USP22: variants seen among roughly 807,000 people sequenced by gnomAD.
USP22 encodes ubiquitin specific peptidase 22, also known as ubiquitin carboxyl-terminal hydrolase 22.
Under a neutral mutation model 68.1 loss-of-function variants are expected in USP22, and 22 were observed. That is an observed-to-expected ratio of 0.32 (90% confidence interval 0.23 to 0.46). USP22 has a LOEUF of 0.46. Among genes scored for constraint, USP22 ranks in the 20% least tolerant of loss-of-function variants. The pLI, the probability that USP22 is intolerant of heterozygous loss-of-function variation, is 1.00. For synonymous variants in USP22, 279 were observed against 274.2 expected, an observed-to-expected ratio of 1.02 and a Z score of -0.17; for missense variants, 433 against 695.8, an observed-to-expected ratio of 0.62 and a Z score of 4.25.
intron 1 of USP22, among the ~76,000 whole-genome samples, chr17:21,032,962 T>C (rs1286636394): frequency 7.9e-6 from 1 of 127,374 alleles, no homozygotes; most frequent in Admixed American, 7.7e-5. Flanking sequence ...AAGTTGAAAA[T>C]GCATTCCCCA....
At chr17:21,041,130 C>G (rs976941839) in intron 1 of USP22, among the ~76,000 whole-genome samples, 4 of 151,772 alleles carry the variant, frequency 2.6e-5, no homozygotes, top group African/African-American at 4.8e-5. Flanking sequence ...TGATCTGCCC[C>G]CCTCGGCCTC....
chr17:21,012,807 C>A, intron 7 of USP22, 23 bp downstream of exon 7: 1 of 1,607,732 alleles, frequency 6.2e-7, no homozygotes, highest in Non-Finnish European at 8.5e-7. Context: ...TTGATATTGC[C>A]GAGCACGCAG....
At chr17:21,039,539 G>A (rs902037097) in intron 1 of USP22, among the ~76,000 whole-genome samples, 8 of 152,098 alleles carry the variant, frequency 5.3e-5, no homozygotes, top group East Asian at 2.0e-4. Flanking sequence ...CCTCCAGCCT[G>A]GGCAAAAAGA....
intron 7 of USP22, chr17:21,011,599 G>A (rs1913972368): frequency 1.8e-5 from 7 of 378,774 alleles, no homozygotes; most frequent in South Asian, 1.7e-4. Context: ...CTTGGGAGGA[G>A]GATAAACTCA....
chr17:21,029,906 AC>A (rs1025159244), intron 1 of USP22, among the ~76,000 whole-genome samples: 14 of 152,350 alleles, frequency 9.2e-5, no homozygotes, highest in Admixed American at 6.5e-4. Context: ...ACAAATAAAA[AC>A]ATTTTCAAAT....
chr17:21,020,584 T>A lies in USP22; in HGVS notation c.418+529A>T, dbSNP rs1183011541. On this transcript the variant is annotated intron_variant, in intron 3 of 12. Coordinates refer to ENST00000261497, the MANE Select transcript of USP22 (RefSeq NM_015276.2). ...TTAACATCACCCAAACAGTCCAGAG[T>A]TTTAAAAGAGATTCTACCACAACTT... is the stretch of plus-strand genomic sequence containing the variant. Among the ~76,000 whole-genome samples, 7 of 151,864 alleles carry A rather than the reference T, an allele frequency of 4.6e-5. 1 individual carries two copies. Among genetic ancestry groups the A allele is most frequent in the Admixed American group, 4.6e-4 (7 of 15,248 alleles).
intron 2 of USP22, among the ~76,000 whole-genome samples, chr17:21,021,485 C>T (rs1255651097): frequency 1.3e-5 from 2 of 152,128 alleles, no homozygotes; most frequent in East Asian, 3.9e-4. Context: ...TCAAAGCAGC[C>T]AATACTCCAG....
intron 2 of USP22, among the ~76,000 whole-genome samples, chr17:21,027,480 T>G (rs1424586795): frequency 6.6e-6 from 1 of 151,962 alleles, no homozygotes; most frequent in Non-Finnish European, 1.5e-5. Context: ...GAGCATCAAA[T>G]TACAGAACTT....
chr17:21,026,647 A>G (rs1056192221), intron 2 of USP22, among the ~76,000 whole-genome samples: 1 of 145,862 alleles, frequency 6.9e-6, no homozygotes, highest in African/African-American at 2.4e-5. Context: ...TTTAAAAAAA[A>G]AAATTAGTAG....
At chr17:21,025,434 A>T (rs1972207557) in intron 2 of USP22, among the ~76,000 whole-genome samples, 1 of 151,790 alleles carries the variant, frequency 6.6e-6, no homozygotes, top group Admixed American at 6.6e-5. Context: ...GTGCAGCCAC[A>T]AAAAAAAGAT....
chr17:21,006,724 CA>C (rs994328639), intron 10 of USP22, 171 bp downstream of exon 10: 30 of 411,190 alleles, frequency 7.3e-5, no homozygotes, highest in Admixed American at 3.1e-4. Context: ...ATGATGGTCT[CA>C]ATCTGTTGAC....
At position 21,022,729 on chromosome 17, in the gene USP22, G is replaced by A. The variant is rs920986514; in HGVS notation, c.305-1503C>T. Among the ~76,000 whole-genome samples the A allele has an allele frequency of 6.6e-5, 10 of 151,910 alleles. 1 individual carries two copies. The highest frequency in any genetic ancestry group is 6.5e-4 in the Admixed American group (10 of 15,270). ...CAGGAGAATGGCGTGAACCTGGGAG[G>A]CGGAGCTTGCTATGAGCTGAGATCT... is the stretch of plus-strand genomic sequence containing the variant. On this transcript the variant is annotated intron_variant, in intron 2 of 12. Coordinates refer to ENST00000261497, the MANE Select transcript of USP22 (RefSeq NM_015276.2).
At chr17:21,023,215 C>G (rs970022525) in intron 2 of USP22, among the ~76,000 whole-genome samples, 1 of 151,984 alleles carries the variant, frequency 6.6e-6, no homozygotes, top group African/African-American at 2.4e-5. Flanking sequence ...TCAGGAAAAA[C>G]AAACAAAAAA....
chr17:21,004,274 T>C lies in USP22; in HGVS notation c.1463A>G (p.Lys488Arg). The C allele has an allele frequency of 2.5e-6, 4 of 1,614,172 alleles. No individual in the cohort carries two copies. The highest frequency in any genetic ancestry group is 3.4e-6 in the Non-Finnish European group (4 of 1,180,028). Residue 488 changes from lysine to arginine, a missense_variant, in exon 12 of 13, where the codon AAA (lysine) becomes AGA (arginine). By Grantham distance (26) the Lys-to-Arg change is conservative. Coordinates refer to ENST00000261497, the MANE Select transcript of USP22 (RefSeq NM_015276.2). ...ATCGTCACACTTGAACCACTGGTCT[T>C]TGTGCTGCCGGATAAAGCTGGTGTA... is the stretch of plus-strand genomic sequence containing the variant. ...GHYTSFIRQH[K>R]DQWFKCDDAI...
intron 1 of USP22, among the ~76,000 whole-genome samples, chr17:21,041,385 A>G (rs927135808): frequency 2.8e-4 from 42 of 151,664 alleles, no homozygotes; most frequent in Non-Finnish European, 5.0e-4. Context: ...ATCACCTGAG[A>G]TCAGGAGTTC....
At position 21,042,949 on chromosome 17, in the gene USP22, G is replaced by A. The variant is rs1011054662; in HGVS notation, c.-114C>T. ...CCAGGCTGGCCAAGGCCCGGGCGCC[G>A]AGAACAAAGCGCGGAGGCCGGACAA... On this transcript the variant is annotated 5_prime_UTR_variant, in exon 1 of 13. Coordinates refer to ENST00000261497, the MANE Select transcript of USP22 (RefSeq NM_015276.2). 4 of 641,554 alleles carry A rather than the reference G, an allele frequency of 6.2e-6. No individual in the cohort carries two copies. Among genetic ancestry groups the A allele is most frequent in the Non-Finnish European group, 8.6e-6 (4 of 462,678 alleles). The allele number at this position is 641,554 out of a possible 1,614,324, so 39.7% of individuals were successfully genotyped here.
rs1250363910 is a variant in USP22, at chr17:21,018,180, G to A, written c.521-69C>T. Reference sequence around the variant, plus strand: ...ACCACAGGTGTCGCTGGATCCCAGCGGCTTCCTCTACCTCTACATACTCAT... The same window carrying A: ...ACCACAGGTGTCGCTGGATCCCAGCAGCTTCCTCTACCTCTACATACTCAT... On this transcript the variant is annotated intron_variant, in intron 4 of 12. Coordinates refer to ENST00000261497, the MANE Select transcript of USP22 (RefSeq NM_015276.2). 7 of 1,435,838 alleles carry A rather than the reference G, an allele frequency of 4.9e-6. No homozygotes were observed. In the East Asian group the frequency reaches 7.3e-5, roughly 15 times the overall value. The allele number at this position is 1,435,838 out of a possible 1,614,324, so 88.9% of individuals were successfully genotyped here.
rs1309886202 is a variant in USP22, at chr17:21,001,710, C to T, written c.*1321G>A. 2.0e-5 allele frequency: 3 copies of T among 152,126 alleles called. No individual in the cohort carries two copies. Among genetic ancestry groups the T allele is most frequent in the Non-Finnish European group, 2.9e-5 (2 of 68,026 alleles). 9.4% of individuals were successfully genotyped at this position (152,126 alleles called of 1,614,324 possible). ...TGGGGCTCCTGGGACAAGCACAGCC[C>T]GAGACACACTTGCTTCATAAACTGT... On this transcript the variant is annotated 3_prime_UTR_variant, in exon 13 of 13. Transcript: ENST00000261497.
intron 1 of USP22, among the ~76,000 whole-genome samples, chr17:21,039,194 G>A (rs1597703196): frequency 6.6e-6 from 1 of 151,430 alleles, no homozygotes. Flanking sequence ...CTCGTGATCC[G>A]CCCGCCTCGG....
Sources: allele counts gnomAD v4.1 joint callset (sites outside exome capture counted in the v4.1 genomes callset), GRCh38; gene constraint gnomAD v4.1.1; transcripts MANE v1.5; gene names NCBI Gene and HGNC (gene_info 2026-07-23, HGNC 2026-07-21).